The following DLC1 variants were observed in gnomAD, a reference collection of about 807,000 sequenced individuals.
DLC1 encodes the protein rho GTPase-activating protein 7.
DLC1 carries 54 observed loss-of-function variants against 140.3 expected under a neutral mutation model. That is an observed-to-expected ratio of 0.38 (90% confidence interval 0.31 to 0.48). The LOEUF (loss-of-function observed/expected upper bound fraction) is 0.48, where lower values mean the gene tolerates loss of function less well. DLC1 is among the 20% of genes least tolerant of loss of function. DLC1 has a pLI of 0.96. For missense variants in DLC1, 2,536 were observed against 1,907.0 expected (o/e 1.33, Z -6.14); for synonymous variants, 986 against 728.1 (o/e 1.35, Z -5.70).
At chr8:13,580,426 G>A (rs566173929) in intron 1 of DLC1, among the ~76,000 whole-genome samples, 2 of 152,138 alleles carry the variant, frequency 1.3e-5, no homozygotes, top group African/African-American at 4.8e-5. Context: ...CGGCAGGTTG[G>A]TTACATTTTT....
At chr8:13,410,834 C>G (rs1006250901) in intron 2 of DLC1, among the ~76,000 whole-genome samples, 4 of 152,108 alleles carry the variant, frequency 2.6e-5, no homozygotes, top group African/African-American at 9.7e-5. Flanking sequence ...TTCACTGATG[C>G]AAACCAAGAA....
In DLC1 at chr8:13,456,806, G is replaced by A. The variant is rs1028254947; in HGVS notation, c.1023+42243C>T. ...GCCTTTGGTTTGAATGCTGAGATCA[G>A]CTCCAAAGACAAATTCTACTACCAT... is the stretch of plus-strand genomic sequence containing the variant. On this transcript the variant is annotated intron_variant, in intron 2 of 17. Transcript: ENST00000276297. Among the ~76,000 whole-genome samples, 3 of 152,250 alleles carry A rather than the reference G, an allele frequency of 2.0e-5. No homozygotes were observed. The East Asian group carries it at 5.8e-4, about 29-fold the overall frequency.
At chr8:13,134,333 C>G (rs1420283372) in intron 5 of DLC1, among the ~76,000 whole-genome samples, 1 of 152,176 alleles carries the variant, frequency 6.6e-6, no homozygotes, top group African/African-American at 2.4e-5. Flanking sequence ...ACAGAAAGAG[C>G]ATTTACTATG....
At chr8:13,453,406 A>ATATATATATATATATATATATGTGTG (rs1554523014) in intron 2 of DLC1, among the ~76,000 whole-genome samples, 1 of 44,704 alleles carries the variant, frequency 2.2e-5, no homozygotes, top group East Asian at 1.7e-3. Flanking sequence ...ATATATGTGT[A>ATATATATATATATATATATATGTGTG]TATATATATA....
chr8:13,295,968 T>TTTTTG (rs1214793022), intron 5 of DLC1, among the ~76,000 whole-genome samples: 1 of 142,272 alleles, frequency 7.0e-6, no homozygotes, highest in African/African-American at 2.7e-5. Context: ...TTTTTTTTTT[T>TTTTTG]TGGAGACAGA....
chr8:13,361,623 G>C (rs1318566551), intron 4 of DLC1, among the ~76,000 whole-genome samples: 1 of 152,048 alleles, frequency 6.6e-6, no homozygotes, highest in African/African-American at 2.4e-5. Context: ...TTTTAAATAA[G>C]TAGAATGTGT....
At chr8:13,410,614 C>G (rs1025364571) in intron 2 of DLC1, among the ~76,000 whole-genome samples, 8 of 150,978 alleles carry the variant, frequency 5.3e-5, no homozygotes, top group Non-Finnish European at 1.2e-4. Context: ...TATAAAATAC[C>G]TAGAAGTAAC....
rs777804142 is a variant in DLC1 at position 13,092,711 on chromosome 8, G to T, written c.3641C>A (p.Ala1214Asp). The T allele has an allele frequency of 8.7e-6, 14 of 1,614,146 alleles. No individual in the cohort carries two copies. The highest frequency in any genetic ancestry group is 8.5e-6 in the Non-Finnish European group (10 of 1,180,034). Reference protein sequence around the residue: ...LLYFLSDVTAAVKENQMTPTN... With the variant: ...LLYFLSDVTADVKENQMTPTN... ...TGGGGTCATCTGGTTTTCTTTTACG[G>T]CTGCTGTGACATCGCTCAGGAAATA... Residue 1214 changes from alanine (A) to aspartate (D), a missense_variant, in exon 13 of 18, where the codon GCC (alanine) becomes GAC (aspartate). Coordinates refer to ENST00000276297, the MANE Select transcript of DLC1 (RefSeq NM_182643.3).
intron 5 of DLC1, among the ~76,000 whole-genome samples, chr8:13,123,741 G>A (rs887551404): frequency 2.0e-5 from 3 of 152,120 alleles, no homozygotes; most frequent in Admixed American, 2.0e-4. Flanking sequence ...AGCTCCAAAA[G>A]GGCAAGCTTC....
At chr8:13,306,558 T>TGTG (rs1832437781) in intron 4 of DLC1, among the ~76,000 whole-genome samples, 4 of 142,840 alleles carry the variant, frequency 2.8e-5, no homozygotes, top group African/African-American at 5.1e-5. Flanking sequence ...GTGTGTGTGT[T>TGTG]TGTGTGTGTG....
chr8:13,120,059 CAGCTTGGGCATGGTGG>C, intron 5 of DLC1, among the ~76,000 whole-genome samples: 1 of 151,622 alleles, frequency 6.6e-6, no homozygotes. Context: ...CTGTATGTAA[CAGCTTGGGCATGGTGG>C]CTCACGCCTG....
intron 1 of DLC1, among the ~76,000 whole-genome samples, chr8:13,591,233 G>A (rs1028746049): frequency 6.6e-6 from 1 of 152,014 alleles, no homozygotes; most frequent in African/African-American, 2.4e-5. Context: ...TGCAAGGAGG[G>A]TGATATGGTT....
intron 2 of DLC1, among the ~76,000 whole-genome samples, chr8:13,491,832 C>T (rs77792280): frequency 0.026 from 4,030 of 152,202 alleles, 175 homozygotes; most frequent in African/African-American, 0.092. Flanking sequence ...ATCTTTATAA[C>T]TTGGGTTCAT....
chr8:13,328,544 G>A (rs1009322771), intron 4 of DLC1, among the ~76,000 whole-genome samples: 29 of 152,296 alleles, frequency 1.9e-4, no homozygotes, highest in African/African-American at 7.0e-4. Flanking sequence ...TGTTTTTGGA[G>A]AAGCTCAACT....
At chr8:13,398,984 G>C (rs1237932683) in intron 3 of DLC1, among the ~76,000 whole-genome samples, 1 of 152,160 alleles carries the variant, frequency 6.6e-6, no homozygotes, top group Non-Finnish European at 1.5e-5. Context: ...AAGTAAAATT[G>C]TTGAATAGCC....
intron 4 of DLC1, among the ~76,000 whole-genome samples, chr8:13,373,108 T>C (rs934979728): frequency 1.3e-5 from 2 of 152,162 alleles, no homozygotes; most frequent in African/African-American, 4.8e-5. Context: ...TGCAAACTCC[T>C]AAGCTCAAGC....
At chr8:13,536,368 T>C (rs1352456566) in intron 1 of DLC1, among the ~76,000 whole-genome samples, 1 of 152,186 alleles carries the variant, frequency 6.6e-6, no homozygotes, top group Non-Finnish European at 1.5e-5. Context: ...TGGAGCTGAA[T>C]TACAGAGTTC....
At chr8:13,131,874 C>A (rs1372929382) in intron 5 of DLC1, among the ~76,000 whole-genome samples, 1 of 152,228 alleles carries the variant, frequency 6.6e-6, no homozygotes, top group South Asian at 2.1e-4. Flanking sequence ...ACTTTCCTCG[C>A]CCCAGGGGCT....
intron 5 of DLC1, among the ~76,000 whole-genome samples, chr8:13,236,254 G>A (rs1270844072): frequency 3.3e-5 from 5 of 151,918 alleles, no homozygotes; most frequent in Non-Finnish European, 4.4e-5. Flanking sequence ...AACATTTACT[G>A]TTACATATTC....
Sources: gnomAD v4.1 joint callset for allele counts (sites outside exome capture counted in the v4.1 genomes callset) on GRCh38, gnomAD v4.1.1 for gene constraint, MANE v1.5 for transcripts, NCBI Gene and HGNC (gene_info 2026-07-23, HGNC 2026-07-21) for gene names.